Variants in CCDC7 observed in about 807,000 individuals in gnomAD.
The protein encoded by CCDC7 is coiled-coil domain containing 7.
CCDC7 carries 183 observed loss-of-function variants against 196.9 expected under a neutral mutation model. The ratio of observed to expected loss-of-function variants is 0.93; its 90% confidence interval spans 0.82 to 1.05. The LOEUF (loss-of-function observed/expected upper bound fraction) is 1.05, where lower values mean the gene tolerates loss of function less well. CCDC7 is among the 50% of genes least tolerant of loss of function. The pLI is 0.00. For synonymous variants in CCDC7, 525 were observed against 484.6 expected, an observed-to-expected ratio of 1.08 and a Z score of -1.10; for missense variants, 1,540 against 1,482.2, an observed-to-expected ratio of 1.04 and a Z score of -0.64.
chr10:32,853,952 T>C (rs1402770966), intron 40 of CCDC7, among the ~76,000 whole-genome samples: 1 of 152,182 alleles, frequency 6.6e-6, no homozygotes, highest in Non-Finnish European at 1.5e-5. Context: ...CTGCATGACA[T>C]TGAGGTTTGG....
At chr10:32,620,614 A>G (rs932034480) in intron 18 of CCDC7, among the ~76,000 whole-genome samples, 2 of 152,118 alleles carry the variant, frequency 1.3e-5, no homozygotes, top group East Asian at 3.9e-4. Context: ...AGTGAAAAGT[A>G]TGGAGAGACA....
At chr10:32,500,217 G>A (rs1032512455) in intron 9 of CCDC7, among the ~76,000 whole-genome samples, 6 of 151,414 alleles carry the variant, frequency 4.0e-5, no homozygotes, top group African/African-American at 7.3e-5. Context: ...TGGGGCGGCC[G>A]GCCTGGCGGG....
chr10:32,700,109 T>C (rs1350434934), intron 24 of CCDC7, among the ~76,000 whole-genome samples: 3 of 149,642 alleles, frequency 2.0e-5, no homozygotes, highest in Non-Finnish European at 4.4e-5. Flanking sequence ...TTTTGGTGTT[T>C]TAGACATGAA....
chr10:32,623,608 T>G, intron 18 of CCDC7: 3 of 433,344 alleles, frequency 6.9e-6, no homozygotes, highest in South Asian at 5.0e-5. Context: ...TAAATACTAT[T>G]AAGAACTCTG....
intron 31 of CCDC7, among the ~76,000 whole-genome samples, chr10:32,817,181 G>A (rs182455335): frequency 1.5e-3 from 235 of 152,272 alleles, no homozygotes; most frequent in Middle Eastern, 3.4e-3. Context: ...CGAGAAGTAC[G>A]CGACGTATGC....
intron 16 of CCDC7, among the ~76,000 whole-genome samples, chr10:32,578,356 T>G (rs539692237): frequency 2.6e-5 from 4 of 152,054 alleles, no homozygotes; most frequent in African/African-American, 9.7e-5. Context: ...TTCAGGATGA[T>G]TCAAGCACAT....
chr10:32,549,090 T>C (rs2053019972), intron 13 of CCDC7, among the ~76,000 whole-genome samples: 1 of 152,212 alleles, frequency 6.6e-6, no homozygotes, highest in African/African-American at 2.4e-5. Flanking sequence ...TTTTGATTTT[T>C]TGATTATGGG....
chr10:32,745,305 A>G (rs1015380118), intron 28 of CCDC7, among the ~76,000 whole-genome samples: 4 of 152,236 alleles, frequency 2.6e-5, no homozygotes, highest in Admixed American at 6.5e-5. Context: ...ATTGCTATAA[A>G]AGAATATCTG....
chr10:32,544,222 C>A, intron 12 of CCDC7, 25 bp from the exon 14 acceptor site: 1 of 1,572,846 alleles, frequency 6.4e-7, no homozygotes, highest in South Asian at 1.2e-5. Flanking sequence ...TATCATGATG[C>A]ATTTTAAAAC....
chr10:32,611,871 T>C (rs1361977480), intron 18 of CCDC7, among the ~76,000 whole-genome samples: 2 of 152,216 alleles, frequency 1.3e-5, no homozygotes, highest in East Asian at 3.8e-4. Flanking sequence ...CTAGCTCTGA[T>C]CTTTTTGCTT....
intron 18 of CCDC7, among the ~76,000 whole-genome samples, chr10:32,595,886 G>C (rs1008468007): frequency 6.6e-5 from 10 of 152,132 alleles, no homozygotes; most frequent in African/African-American, 1.7e-4. Flanking sequence ...GTTCTATTTT[G>C]GTTGCTCTGT....
intron 24 of CCDC7, among the ~76,000 whole-genome samples, chr10:32,707,859 G>A (rs2080068839): frequency 1.3e-5 from 2 of 152,098 alleles, no homozygotes; most frequent in Admixed American, 6.5e-5. Context: ...ATACTCATGG[G>A]CAGGAAGAAT....
intron 41 of CCDC7, among the ~76,000 whole-genome samples, chr10:32,869,639 C>A (rs937656612): frequency 6.6e-6 from 1 of 152,000 alleles, no homozygotes; most frequent in Non-Finnish European, 1.5e-5. Flanking sequence ...AGTCCTTGCC[C>A]ATGTCTATGT....
intron 29 of CCDC7, among the ~76,000 whole-genome samples, chr10:32,790,957 C>T (rs982906989): frequency 1.3e-5 from 2 of 152,170 alleles, no homozygotes; most frequent in Non-Finnish European, 2.9e-5. Context: ...CAAGTCATAT[C>T]AGACCCAACA....
chr10:32,550,652 T>G (rs898550246), intron 13 of CCDC7, among the ~76,000 whole-genome samples: 2 of 152,190 alleles, frequency 1.3e-5, no homozygotes, highest in Admixed American at 1.3e-4. Flanking sequence ...TCTACTGAGA[T>G]GATTGTGTGA....
intron 26 of CCDC7, among the ~76,000 whole-genome samples, chr10:32,727,559 T>G (rs2083307460): frequency 6.6e-6 from 1 of 152,080 alleles, no homozygotes; most frequent in South Asian, 2.1e-4. Context: ...GTAGGGCCCA[T>G]CAACTTCACT....
chr10:32,807,804 C>T (rs1411679641), intron 30 of CCDC7, among the ~76,000 whole-genome samples: 2 of 151,894 alleles, frequency 1.3e-5, no homozygotes, highest in African/African-American at 4.8e-5. Flanking sequence ...CAGCATAGTG[C>T]CTTTTTTCCT....
intron 15 of CCDC7, among the ~76,000 whole-genome samples, chr10:32,570,006 C>T (rs1171241728): frequency 6.6e-6 from 1 of 152,034 alleles, no homozygotes; most frequent in Non-Finnish European, 1.5e-5. Flanking sequence ...GCTCATATAC[C>T]TTCATGGCTT....
intron 26 of CCDC7, 114 bp from the exon 28 acceptor site, chr10:32,728,773 A>T: frequency 3.7e-6 from 2 of 537,880 alleles, no homozygotes; most frequent in Non-Finnish European, 6.4e-6. Context: ...TTTGTGTCAG[A>T]TCTAGCATTA....
Sources: gnomAD v4.1 joint callset for allele counts (sites outside exome capture counted in the v4.1 genomes callset) on GRCh38, gnomAD v4.1.1 for gene constraint, MANE v1.5 for transcripts, NCBI Gene and HGNC (gene_info 2026-07-23, HGNC 2026-07-21) for gene names.